SQOR: variants seen among roughly 807,000 people sequenced by gnomAD.
SQOR encodes the protein sulfide:quinone oxidoreductase, mitochondrial.
Under a neutral mutation model 48.6 loss-of-function variants are expected in SQOR, and 39 were observed. The observed-to-expected ratio is 0.80, with a 90% CI of 0.62 to 1.05. The LOEUF is 1.05. SQOR is among the 50% of genes least tolerant of loss of function. The pLI is 0.00. For missense variants in SQOR, 561 were observed against 559.9 expected, an observed-to-expected ratio of 1.00 and a Z score of -0.02; for synonymous variants, 220 against 206.2, an observed-to-expected ratio of 1.07 and a Z score of -0.57.
intron 2 of SQOR, among the ~76,000 whole-genome samples, chr15:45,659,543 G>A (rs571966637): frequency 1.3e-5 from 2 of 152,148 alleles, no homozygotes; most frequent in Admixed American, 6.5e-5. Context: ...GGATGGGCAG[G>A]TGGCTTTGTC....
chr15:45,650,370 G>C (rs997269382), intron 1 of SQOR, among the ~76,000 whole-genome samples: 2 of 152,200 alleles, frequency 1.3e-5, no homozygotes, highest in East Asian at 3.8e-4. Flanking sequence ...TCCTTCTAAC[G>C]TTCGAATGTG....
intron 7 of SQOR, among the ~76,000 whole-genome samples, chr15:45,683,163 G>A (rs1274497390): frequency 6.6e-6 from 1 of 152,118 alleles, no homozygotes; most frequent in Non-Finnish European, 1.5e-5. Context: ...GGTCAGAGGG[G>A]TTGTTGTCAG....
rs759585053 is a variant in SQOR, at chr15:45,682,473, T to C, written c.865-5T>C. 3.1e-6 allele frequency: 5 copies of C among 1,613,862 alleles called. No homozygotes were observed. In the South Asian group the frequency reaches 4.4e-5, roughly 14 times the overall value. ...TGAAAATGTGGATTCTCTCTTTGTG[T>C]GTAGTATGAAATGCTTCATGTCACA... On this transcript the variant is annotated splice_polypyrimidine_tract_variant and splice_region_variant and intron_variant, in intron 6 of 9. Coordinates refer to ENST00000260324, the MANE Select transcript of SQOR (RefSeq NM_021199.4).
At chr15:45,645,993 C>T (rs943598659) in intron 1 of SQOR, 4 of 152,192 alleles carry the variant, frequency 2.6e-5, no homozygotes, top group Non-Finnish European at 4.4e-5. Context: ...AGGGTCCTGA[C>T]TCACCAAGGA....
chr15:45,662,279 T>A (rs143647722), intron 3 of SQOR, among the ~76,000 whole-genome samples, 154 bp downstream of exon 3: 1 of 152,224 alleles, frequency 6.6e-6, no homozygotes, highest in Non-Finnish European at 1.5e-5. Flanking sequence ...GATGGCAGGG[T>A]ATGTGGTAAG....
chr15:45,666,202 C>G (rs1169915531), intron 3 of SQOR, among the ~76,000 whole-genome samples: 3 of 152,200 alleles, frequency 2.0e-5, no homozygotes, highest in African/African-American at 4.8e-5. Flanking sequence ...TCTTTAGCTT[C>G]GATATGACTC....
chr15:45,657,288 A>T (rs74013318), intron 1 of SQOR, among the ~76,000 whole-genome samples: 3,576 of 147,776 alleles, frequency 0.024, 177 homozygotes, highest in African/African-American at 0.085. Context: ...TGTCCCCAGG[A>T]CATAATTAGC....
At chr15:45,645,312 A>G (rs1895184836) in intron 1 of SQOR, among the ~76,000 whole-genome samples, 1 of 152,128 alleles carries the variant, frequency 6.6e-6, no homozygotes. Flanking sequence ...GTATTTCCAG[A>G]TTTAGACCCG....
chr15:45,650,216 T>C (rs909039956), intron 1 of SQOR, among the ~76,000 whole-genome samples: 3 of 152,184 alleles, frequency 2.0e-5, no homozygotes, highest in Non-Finnish European at 4.4e-5. Flanking sequence ...CTTGACTCAT[T>C]GCCACCTCCA....
At chr15:45,671,015 C>T (rs904982264) in intron 4 of SQOR, among the ~76,000 whole-genome samples, 1 of 152,196 alleles carries the variant, frequency 6.6e-6, no homozygotes. Flanking sequence ...CCCAAAGCCC[C>T]AGTGTCATGT....
intron 1 of SQOR, among the ~76,000 whole-genome samples, chr15:45,636,709 G>A (rs1895013340): frequency 6.6e-6 from 1 of 152,076 alleles, no homozygotes. Flanking sequence ...GCCAATATCT[G>A]TGATTTCTAT....
chr15:45,637,578 C>CT (rs900071181), intron 1 of SQOR, among the ~76,000 whole-genome samples: 2 of 152,010 alleles, frequency 1.3e-5, no homozygotes, highest in African/African-American at 2.4e-5. Context: ...AAATTTGGGG[C>CT]TTTTTTTCTG....
chr15:45,663,610 AT>A (rs1176481897), intron 3 of SQOR, among the ~76,000 whole-genome samples: 11 of 152,106 alleles, frequency 7.2e-5, no homozygotes, highest in Middle Eastern at 6.8e-3. Flanking sequence ...TACAAAAAAA[AT>A]TAAGACATTA....
chr15:45,676,158 G>T lies in SQOR; in HGVS notation c.712G>T (p.Gly238Trp), dbSNP rs367929021. 16 of 1,614,132 alleles carry T rather than the reference G, an allele frequency of 9.9e-6. No homozygotes were observed. The highest frequency in any genetic ancestry group is 1.4e-5 in the Non-Finnish European group (16 of 1,180,034). The change falls in exon 6 of 10, where the codon GGG (glycine) becomes TGG (tryptophan). Residue 238 changes from glycine (G) to tryptophan (W), a missense_variant. Transcript: ENST00000260324. ...IFNTSLGAIF[G>W]VKKYADALQE... Reference sequence around the variant, plus strand: ...CAACACTTCTCTTGGAGCCATTTTCGGGGTTAAGAAGTATGCAGATGCCCT... The same window carrying T: ...CAACACTTCTCTTGGAGCCATTTTCTGGGTTAAGAAGTATGCAGATGCCCT...
At chr15:45,646,108 C>T (rs1895200472) in intron 1 of SQOR, 2 of 152,068 alleles carry the variant, frequency 1.3e-5, no homozygotes, top group Non-Finnish European at 2.9e-5. Context: ...GATTTGAAGC[C>T]CCAAATTGTA....
chr15:45,659,248 T>G (rs915606586), intron 2 of SQOR, 91 bp downstream of exon 2: 3 of 1,080,608 alleles, frequency 2.8e-6, no homozygotes, highest in Non-Finnish European at 3.8e-6. Flanking sequence ...TGGATATGAC[T>G]ATCAAGCAAT....
intron 7 of SQOR, 40 bp downstream of exon 7, chr15:45,682,701 T>A (rs765211885): frequency 6.2e-7 from 1 of 1,604,912 alleles, no homozygotes. Context: ...CTCAAAAATA[T>A]GTCACCTCAA....
At chr15:45,684,777 A>G (rs1318837459) in intron 7 of SQOR, among the ~76,000 whole-genome samples, 1 of 152,216 alleles carries the variant, frequency 6.6e-6, no homozygotes, top group Non-Finnish European at 1.5e-5. Context: ...CCTTCTTCAA[A>G]CAAATATTTA....
intron 3 of SQOR, among the ~76,000 whole-genome samples, chr15:45,666,629 A>G (rs897422722): frequency 2.6e-5 from 4 of 152,124 alleles, no homozygotes; most frequent in Non-Finnish European, 5.9e-5. Flanking sequence ...GGAAAAGGAT[A>G]TATTTATTGA....
Sources: allele counts gnomAD v4.1 joint callset (sites outside exome capture counted in the v4.1 genomes callset), GRCh38; gene constraint gnomAD v4.1.1; transcripts MANE v1.5; gene names NCBI Gene and HGNC (gene_info 2026-07-23, HGNC 2026-07-21).